Variants in PCDHA9 observed in about 807,000 individuals in gnomAD.
The protein encoded by PCDHA9 is protocadherin alpha-9.
In PCDHA9, 62 loss-of-function variants were observed where a neutral mutation model predicts 62.0. The observed-to-expected ratio is 1.00, with a 90% CI of 0.81 to 1.23. The LOEUF (loss-of-function observed/expected upper bound fraction) is 1.23, where lower values mean the gene tolerates loss of function less well. PCDHA9 is among the 50% of genes most tolerant of loss of function. PCDHA9 has a pLI of 0.00. For synonymous variants in PCDHA9, 557 were observed against 567.6 expected (o/e 0.98, Z 0.27); for missense variants, 1,205 against 1,249.8 (o/e 0.96, Z 0.54).
rs78042832 is a variant in PCDHA9, at chr5:140,978,370, A to G, written c.2395-579A>G. Among the ~76,000 whole-genome samples, 198 of 152,318 alleles carry G rather than the reference A, an allele frequency of 1.3e-3. 1 individual carries two copies. The East Asian group carries it at 0.027, about 21-fold the overall frequency. On this transcript the variant is annotated intron_variant, in intron 1 of 3. Transcript: ENST00000532602. ...TAGCAAAACAAGGTCAAACTCTGCA[A>G]TAGTTTGTTTTCCTCTCCCTAGTAT...
intron 1 of PCDHA9, among the ~76,000 whole-genome samples, chr5:140,948,051 T>A (rs1554218425): frequency 2.0e-5 from 3 of 151,622 alleles, no homozygotes; most frequent in African/African-American, 7.2e-5. Context: ...CATGATTCAT[T>A]GTTGAATTTC....
intron 1 of PCDHA9, chr5:140,853,308 C>G: frequency 3.1e-6 from 3 of 983,184 alleles, no homozygotes; most frequent in Non-Finnish European, 3.7e-6. Flanking sequence ...CTGTGAACAC[C>G]TTAGTAATAA....
At chr5:140,862,874 T>C in intron 1 of PCDHA9, 2 of 568,426 alleles carry the variant, frequency 3.5e-6, no homozygotes, top group Non-Finnish European at 3.4e-6. Flanking sequence ...CTGCCAGGTA[T>C]TAGTGCTGGA....
intron 1 of PCDHA9, among the ~76,000 whole-genome samples, chr5:140,976,011 CTAAA>C (rs2096695708): frequency 6.6e-6 from 1 of 152,110 alleles, no homozygotes; most frequent in African/African-American, 2.4e-5. Context: ...TATTAAAGAA[CTAAA>C]TAATCACAGT....
Position 140,869,285 on chromosome 5 carries a change from A to C in PCDHA9, c.2394+18396A>C, listed in dbSNP as rs201493000. The stretch of plus-strand genomic sequence containing the variant: ...GGGCTGGAGCTGGCGGAGCTGGTGC[A>C]GCGCCTGTTCCGGGTGGCGTCCAAA... On this transcript the variant is annotated intron_variant, in intron 1 of 3. Transcript: ENST00000532602. The C allele has an allele frequency of 2.9e-3, 4,695 of 1,613,540 alleles. 19 individuals carry two copies. Among genetic ancestry groups the C allele is most frequent in the African/African-American group, 9.9e-3 (743 of 75,038 alleles).
intron 1 of PCDHA9, 159 bp from the exon 2 acceptor site, chr5:140,978,790 T>C (rs2096823347): frequency 3.1e-6 from 3 of 975,976 alleles, no homozygotes; most frequent in Non-Finnish European, 3.7e-6. Flanking sequence ...TAAAGTGCTA[T>C]ATATGTAGAT....
chr5:140,902,324 C>T (rs1554190388), intron 1 of PCDHA9, among the ~76,000 whole-genome samples: 1 of 151,472 alleles, frequency 6.6e-6, no homozygotes, highest in Non-Finnish European at 1.5e-5. Flanking sequence ...AGGTGTAACT[C>T]ACTTCGCCTG....
At chr5:140,916,279 C>T (rs2077510203) in intron 1 of PCDHA9, among the ~76,000 whole-genome samples, 1 of 152,228 alleles carries the variant, frequency 6.6e-6, no homozygotes, top group Admixed American at 6.5e-5. Context: ...TGTTGCTCTA[C>T]TCCACGTGGC....
intron 1 of PCDHA9, among the ~76,000 whole-genome samples, chr5:140,962,145 G>A (rs1195781182): frequency 3.3e-5 from 5 of 152,074 alleles, no homozygotes; most frequent in Non-Finnish European, 7.4e-5. Flanking sequence ...AAAGTGCTGG[G>A]ATTACAGGCG....
At chr5:140,871,112 A>G (rs1554165130) in intron 1 of PCDHA9, 2 of 1,613,290 alleles carry the variant, frequency 1.2e-6, no homozygotes, top group Non-Finnish European at 1.7e-6. Context: ...TCGTTGGTGG[A>G]GAGCGGACAG....
At chr5:140,884,173 C>T in intron 1 of PCDHA9, 1 of 1,613,432 alleles carries the variant, frequency 6.2e-7, no homozygotes, top group Non-Finnish European at 8.5e-7. Context: ...GCACGACGCG[C>T]CCTCTGGACG....
rs1346427061 is a variant in PCDHA9, at chr5:140,850,430, G to C, written c.1935G>C (p.Gln645His). The C allele has an allele frequency of 1.9e-6, 3 of 1,597,884 alleles. No individual in the cohort carries two copies. The highest frequency in any genetic ancestry group is 1.7e-6 in the Non-Finnish European group (2 of 1,167,758). ...RALDETDAPR[Q>H]RLLVLVKDHG... The stretch of plus-strand genomic sequence containing the variant: ...TGGACGAAACGGACGCACCGCGCCA[G>C]CGCCTACTGGTGCTGGTGAAAGACC... The change falls in exon 1 of 4, where the codon CAG becomes CAC. Residue 645 changes from glutamine to histidine, a missense_variant. Gln to His is a conservative substitution (Grantham distance 24). Around this residue, in one of 3 missense-constraint regions of PCDHA9, gnomAD observed 887 missense variants for 809.5 expected, o/e 1.10. Coordinates refer to ENST00000532602, the MANE Select transcript of PCDHA9 (RefSeq NM_031857.2).
chr5:140,853,885 T>C (rs1456390498), intron 1 of PCDHA9: 1 of 979,240 alleles, frequency 1.0e-6, no homozygotes, highest in Non-Finnish European at 1.2e-6. Context: ...TTCTGTAATT[T>C]AAAAAGATGT....
At chr5:140,877,097 T>G in intron 1 of PCDHA9, 1 of 1,613,308 alleles carries the variant, frequency 6.2e-7, no homozygotes. Context: ...GACGCCGGCG[T>G]GCCGCCTCTG....
At chr5:140,852,752 C>A in intron 1 of PCDHA9, 1 of 983,714 alleles carries the variant, frequency 1.0e-6, no homozygotes, top group Non-Finnish European at 1.2e-6. Context: ...TAAACTTGGA[C>A]CCAGGTATCT....
At chr5:140,954,361 C>T (rs782543125) in intron 1 of PCDHA9, among the ~76,000 whole-genome samples, 18 of 152,220 alleles carry the variant, frequency 1.2e-4, no homozygotes, top group Non-Finnish European at 2.2e-4. Context: ...AATCGCCACA[C>T]AGTCTCCCAC....
chr5:140,857,491 G>A, intron 1 of PCDHA9: 2 of 1,598,340 alleles, frequency 1.3e-6, no homozygotes, highest in Non-Finnish European at 1.7e-6. Flanking sequence ...CGTGGGACGC[G>A]GACGCGCAGG....
intron 1 of PCDHA9, chr5:140,855,964 T>A: frequency 7.1e-7 from 1 of 1,408,442 alleles, no homozygotes; most frequent in Non-Finnish European, 9.6e-7. Context: ...AAAAAATAGA[T>A]ATAAGAAATA....
At chr5:140,984,464 C>T (rs890686701) in intron 3 of PCDHA9, among the ~76,000 whole-genome samples, 1 of 152,184 alleles carries the variant, frequency 6.6e-6, no homozygotes, top group Non-Finnish European at 1.5e-5. Context: ...GTCCCAGCCC[C>T]TCTTGTATAA....
Sources: allele counts gnomAD v4.1 joint callset (sites outside exome capture counted in the v4.1 genomes callset), GRCh38; gene constraint gnomAD v4.1.1; regional missense constraint gnomAD v4.1.1; transcripts MANE v1.5; gene names NCBI Gene and HGNC (gene_info 2026-07-23, HGNC 2026-07-21).